The following LEO1 variants were observed in gnomAD, a reference collection of about 807,000 sequenced individuals.
LEO1 encodes RNA polymerase-associated protein LEO1.
LEO1 carries 34 observed loss-of-function variants against 80.4 expected under a neutral mutation model. That is an observed-to-expected ratio of 0.42 (90% CI 0.32 to 0.56). The LOEUF is 0.56. LEO1 is among the 20% of genes least tolerant of loss of function. The pLI is 0.10. For missense variants in LEO1, 631 were observed against 814.2 expected, an observed-to-expected ratio of 0.77 and a Z score of 2.74; for synonymous variants, 262 against 274.9, an observed-to-expected ratio of 0.95 and a Z score of 0.46.
chr15:51,948,865 A>G (rs566910652), intron 10 of LEO1, among the ~76,000 whole-genome samples: 75 of 152,346 alleles, frequency 4.9e-4, no homozygotes, highest in Admixed American at 3.7e-3. Context: ...CCCCTGGGTA[A>G]GAACCAGGTG....
In LEO1 at chr15:51,954,582, C is replaced by T. The variant is rs781574081; in HGVS notation, c.1246-7G>A. The stretch of plus-strand genomic sequence containing the variant: ...ATCTTATAGTATTTTCTACCTGTTT[C>T]ACAACACAAGTACTTTAGAAAATTA... On this transcript the variant is annotated splice_polypyrimidine_tract_variant and splice_region_variant and intron_variant, in intron 6 of 11. Transcript: ENST00000299601. 13 of 1,573,632 alleles carry T rather than the reference C, an allele frequency of 8.3e-6. No individual in the cohort carries two copies. The South Asian group carries it at 1.3e-4, about 16-fold the overall frequency.
chr15:51,957,517 T>C (rs2056998875), intron 6 of LEO1, among the ~76,000 whole-genome samples: 1 of 152,222 alleles, frequency 6.6e-6, no homozygotes, highest in Non-Finnish European at 1.5e-5. Flanking sequence ...GAACAAATTA[T>C]TAGCACCTGT....
intron 11 of LEO1, among the ~76,000 whole-genome samples, chr15:51,941,438 G>A (rs186395432): frequency 4.1e-4 from 63 of 152,330 alleles, no homozygotes; most frequent in African/African-American, 1.5e-3. Context: ...GAGAGCTGGA[G>A]AAAGAGACAC....
At chr15:51,958,666 A>G in intron 6 of LEO1, 76 bp downstream of exon 6, 2 of 890,204 alleles carry the variant, frequency 2.2e-6, no homozygotes, top group African/African-American at 1.7e-5. Context: ...ATCACTTTCA[A>G]AAGCTCAAGT....
At chr15:51,947,739 A>G (rs907324131) in intron 10 of LEO1, among the ~76,000 whole-genome samples, 13 of 152,210 alleles carry the variant, frequency 8.5e-5, no homozygotes, top group African/African-American at 2.9e-4. Flanking sequence ...GTAACTTTCA[A>G]AGACAGTGAC....
intron 11 of LEO1, chr15:51,947,050 G>C (rs2056907521): frequency 2.2e-6 from 1 of 458,440 alleles, no homozygotes; most frequent in African/African-American, 2.0e-5. Flanking sequence ...GCAAGCTTCT[G>C]ATCACTCTTC....
At chr15:51,962,801 C>T (rs781674408) in intron 2 of LEO1, among the ~76,000 whole-genome samples, 7 of 152,090 alleles carry the variant, frequency 4.6e-5, no homozygotes, top group Non-Finnish European at 7.4e-5. Context: ...CAGAAAGATA[C>T]GACTCAAAAG....
In LEO1 at chr15:51,958,722, G is replaced by A; in HGVS notation, c.1245+20C>T. ...TTTTACTTTATAAAAGAAAAAAAAGGAAAAAGCATGAAATGGTACCTTTAA... is the reference window on the plus strand; with the variant it reads ...TTTTACTTTATAAAAGAAAAAAAAGAAAAAAGCATGAAATGGTACCTTTAA... On this transcript the variant is annotated intron_variant, in intron 6 of 11. Transcript: ENST00000299601. 2 of 1,482,750 alleles carry A rather than the reference G, an allele frequency of 1.3e-6. No homozygotes were observed. The highest frequency in any genetic ancestry group is 1.8e-6 in the Non-Finnish European group (2 of 1,081,982). The allele number at this position is 1,482,750 out of a possible 1,614,324, so 91.8% of individuals were successfully genotyped here.
chr15:51,946,581 G>A (rs1482495330), intron 11 of LEO1, among the ~76,000 whole-genome samples: 1 of 151,104 alleles, frequency 6.6e-6, no homozygotes, highest in Non-Finnish European at 1.5e-5. Context: ...TTTGAGACAG[G>A]GTCTCACTCT....
At chr15:51,941,264 G>T (rs2056850079) in intron 11 of LEO1, among the ~76,000 whole-genome samples, 1 of 152,102 alleles carries the variant, frequency 6.6e-6, no homozygotes, top group Admixed American at 6.6e-5. Context: ...ACAGATCCCA[G>T]TGTCATATAT....
chr15:51,964,245 C>T (rs982005249), intron 2 of LEO1, among the ~76,000 whole-genome samples: 12 of 151,794 alleles, frequency 7.9e-5, no homozygotes, highest in African/African-American at 2.9e-4. Flanking sequence ...TTTGCAGGGA[C>T]ATGAGGGACA....
chr15:51,964,096 C>T (rs2057054819), intron 2 of LEO1, among the ~76,000 whole-genome samples: 1 of 151,622 alleles, frequency 6.6e-6, no homozygotes, highest in Non-Finnish European at 1.5e-5. Context: ...GTCCCAGCTA[C>T]TCGGGAGGCT....
Position 51,951,968 on chromosome 15 carries a change from G to A in LEO1, c.1487C>T (p.Thr496Met). ...KTKLTFRPHSTDSATHRKMTL... is the reference protein window; with the variant it reads ...KTKLTFRPHSMDSATHRKMTL... ...CATCTTTCTATGTGTGGCACTGTCC[G>A]TAGAGTGAGGTCTGCCAGGAAATAA... The change falls in exon 9 of 12, where the codon ACG (threonine) becomes ATG (methionine). Residue 496 changes from threonine (T) to methionine (M), a missense_variant. Around this residue, in one of 4 missense-constraint regions of LEO1, gnomAD observed 25 missense variants for 83.5 expected, o/e 0.30. Coordinates refer to ENST00000299601, the MANE Select transcript of LEO1 (RefSeq NM_138792.4). The A allele has an allele frequency of 1.2e-6, 2 of 1,612,178 alleles. No individual in the cohort carries two copies. The highest frequency in any genetic ancestry group is 1.7e-6 in the Non-Finnish European group (2 of 1,178,890).
rs778138344 is a variant in LEO1, at chr15:51,938,174, C to T, written c.1983G>A (p.Glu661=). 5.7e-6 allele frequency: 9 copies of T among 1,578,822 alleles called. No homozygotes were observed. The highest frequency in any genetic ancestry group is 7.8e-6 in the Non-Finnish European group (9 of 1,150,572). ...KHKKYVISDE[E]EEDDD ...TCATACTTCAATCATCATCTTCTTC[C>T]TCTTCATCGCTGATCACATACTTCT... The change falls in exon 12 of 12, where the codon GAG becomes GAA. Residue 661 remains glutamate, a synonymous_variant. Transcript: ENST00000299601.
At chr15:51,947,266 C>G in intron 11 of LEO1, 26 bp downstream of exon 11, 1 of 1,493,118 alleles carries the variant, frequency 6.7e-7, no homozygotes, top group Non-Finnish European at 9.3e-7. Context: ...GGATAAACCC[C>G]TAGAATTGAA....
At chr15:51,960,104 C>T in intron 4 of LEO1, 60 bp from the exon 5 acceptor site, 1 of 1,349,610 alleles carries the variant, frequency 7.4e-7, no homozygotes, top group Non-Finnish European at 1.0e-6. Context: ...TTCCTTCAAC[C>T]TCCACACTTT....
Position 51,966,071 on chromosome 15 carries a change from A to G in LEO1, c.492T>C (p.Asp164=). The stretch of plus-strand genomic sequence containing the variant: ...CATCAGATCCTTGTGCCCTCTCCTC[A>G]TCATCAGAATTTTGTATCTTTTCAT... ...SDDEKIQNSD[D]EERAQGSDED... The change falls in exon 2 of 12, where the codon GAT becomes GAC. Residue 164 remains aspartate, a synonymous_variant. Coordinates refer to ENST00000299601, the MANE Select transcript of LEO1 (RefSeq NM_138792.4). 6.2e-7 allele frequency: 1 copy of G among 1,613,922 alleles called. No individual in the cohort carries two copies. Among genetic ancestry groups the G allele is most frequent in the Non-Finnish European group, 8.5e-7 (1 of 1,180,020 alleles).
intron 11 of LEO1, among the ~76,000 whole-genome samples, chr15:51,941,312 AAAAG>A (rs1350615401): frequency 1.3e-5 from 2 of 152,210 alleles, no homozygotes; most frequent in Admixed American, 6.5e-5. Flanking sequence ...TATTAAGTCT[AAAAG>A]AAAGCTTGCT....
intron 11 of LEO1, 57 bp from the exon 12 acceptor site, chr15:51,938,317 G>T: frequency 9.4e-7 from 1 of 1,069,278 alleles, no homozygotes. Context: ...TTTTAGGATG[G>T]TTTATGAAAA....
Sources: allele counts gnomAD v4.1 joint callset (sites outside exome capture counted in the v4.1 genomes callset), GRCh38; gene constraint gnomAD v4.1.1; regional missense constraint gnomAD v4.1.1; transcripts MANE v1.5; gene names NCBI Gene and HGNC (gene_info 2026-07-23, HGNC 2026-07-21).